The following ITGAV variants were observed in gnomAD, a reference collection of about 807,000 sequenced individuals.
ITGAV encodes the protein integrin alpha-V.
A neutral mutation model predicts 143.8 loss-of-function variants in ITGAV; 76 were observed. The ratio of observed to expected loss-of-function variants is 0.53; its 90% CI spans 0.44 to 0.64. The LOEUF (loss-of-function observed/expected upper bound fraction) is 0.64. Ranked by LOEUF, ITGAV falls within the 30% of genes least tolerant of loss-of-function variation. The pLI, the probability that ITGAV is intolerant of heterozygous loss-of-function variation, is 0.00. For synonymous variants in ITGAV, 453 were observed against 446.7 expected, an observed-to-expected ratio of 1.01 and a Z score of -0.18; for missense variants, 1,193 against 1,274.7, an observed-to-expected ratio of 0.94 and a Z score of 0.98.
In ITGAV at chr2:186,658,978, G is replaced by T. The variant is rs146197491; in HGVS notation, c.1720-60G>T. On this transcript the variant is annotated intron_variant, in intron 17 of 29. Transcript: ENST00000261023. Reference sequence around the variant, plus strand: ...AGCTGGCTTTGTAATGTGCACTTATGGATTTCTCCAGATAATTTAGGTTGA... The same window carrying T: ...AGCTGGCTTTGTAATGTGCACTTATTGATTTCTCCAGATAATTTAGGTTGA... The T allele has an allele frequency of 2.4e-4, 325 of 1,358,804 alleles. No homozygotes were observed. The African/African-American group carries it at 4.2e-3, about 17-fold the overall frequency. 84.2% of individuals were successfully genotyped at this position (1,358,804 alleles called of 1,614,324 possible).
intron 6 of ITGAV, among the ~76,000 whole-genome samples, chr2:186,635,033 TAATA>T (rs895215007): frequency 2.6e-5 from 4 of 152,016 alleles, no homozygotes; most frequent in Non-Finnish European, 2.9e-5. Flanking sequence ...ATAGGAATAA[TAATA>T]AATAGGAATG....
chr2:186,637,547 T>C (rs1053956623), intron 8 of ITGAV, among the ~76,000 whole-genome samples: 2 of 150,644 alleles, frequency 1.3e-5, no homozygotes, highest in Non-Finnish European at 3.0e-5. Flanking sequence ...TGTTATGGAA[T>C]ATAACAGAAG....
At chr2:186,608,712 C>T (rs570256079) in intron 2 of ITGAV, among the ~76,000 whole-genome samples, 14 of 152,152 alleles carry the variant, frequency 9.2e-5, no homozygotes, top group African/African-American at 3.4e-4. Flanking sequence ...TTTCCACTCA[C>T]CATTTATTCC....
intron 2 of ITGAV, among the ~76,000 whole-genome samples, chr2:186,609,085 C>T (rs1046693013): frequency 6.6e-6 from 1 of 152,118 alleles, no homozygotes; most frequent in Non-Finnish European, 1.5e-5. Context: ...CCTGTCTTAT[C>T]TTACACAACT....
chr2:186,590,359 A>C lies in ITGAV; in HGVS notation c.21A>C (p.Arg7=). The part of the protein sequence containing the change: MAFPPR[R]RLRLGPRGLP... ...CGGCGATGGCTTTTCCGCCGCGGCG[A>C]CGGCTGCGCCTCGGTCCCCGCGGCC... is the stretch of plus-strand genomic sequence containing the variant. Residue 7 remains arginine (R), a synonymous_variant, in exon 1 of 30, where the codon CGA becomes CGC. Coordinates refer to ENST00000261023, the MANE Select transcript of ITGAV (RefSeq NM_002210.5). 1.3e-6 allele frequency: 2 copies of C among 1,584,044 alleles called. No homozygotes were observed. The highest frequency in any genetic ancestry group is 1.7e-6 in the Non-Finnish European group (2 of 1,167,644).
At chr2:186,668,985 A>G in intron 25 of ITGAV, 65 bp downstream of exon 25, 1 of 1,365,938 alleles carries the variant, frequency 7.3e-7, no homozygotes, top group South Asian at 1.4e-5. Flanking sequence ...TAAACCTGTA[A>G]AAGAAATTCA....
intron 18 of ITGAV, among the ~76,000 whole-genome samples, chr2:186,662,515 C>T (rs1688776311): frequency 1.3e-5 from 2 of 152,130 alleles, no homozygotes; most frequent in African/African-American, 4.8e-5. Context: ...ACGTTAAAAG[C>T]TGATGCTTAA....
At chr2:186,623,816 A>G (rs897763683) in intron 3 of ITGAV, among the ~76,000 whole-genome samples, 1 of 152,062 alleles carries the variant, frequency 6.6e-6, no homozygotes, top group African/African-American at 2.4e-5. Flanking sequence ...ATATATCTCA[A>G]CATTTATCAG....
chr2:186,593,780 G>T (rs1574455512), intron 1 of ITGAV, among the ~76,000 whole-genome samples: 1 of 75,540 alleles, frequency 1.3e-5, no homozygotes, highest in Admixed American at 1.4e-4. Flanking sequence ...ATTTGAGTAG[G>T]TTGGTGTGAG....
chr2:186,620,515 C>T (rs1183455862), intron 2 of ITGAV, among the ~76,000 whole-genome samples: 1 of 152,150 alleles, frequency 6.6e-6, no homozygotes, highest in African/African-American at 2.4e-5. Context: ...GTAATCTCAG[C>T]ACTTTGGGAA....
At chr2:186,602,383 C>T (rs1261310461) in intron 2 of ITGAV, among the ~76,000 whole-genome samples, 1 of 152,016 alleles carries the variant, frequency 6.6e-6, no homozygotes, top group Admixed American at 6.6e-5. Context: ...TGTCTTCTGC[C>T]GTAAACTGAT....
Position 186,659,140 on chromosome 2 carries a change from C to G in ITGAV, c.1822C>G (p.Leu608Val), listed in dbSNP as rs781357387. 1.9e-6 allele frequency: 3 copies of G among 1,612,876 alleles called. No individual in the cohort carries two copies. Among genetic ancestry groups the G allele is most frequent in the Non-Finnish European group, 2.5e-6 (3 of 1,179,214 alleles). Reference protein sequence around the residue: ...AADTTGLQPILNQFTPANISR... With the variant: ...AADTTGLQPIVNQFTPANISR... ...TGATACAACAGGCTTGCAACCCATT[C>G]TTAACCAGTTCACGCCTGCTAACAT... The change falls in exon 18 of 30, where the codon CTT becomes GTT. Residue 608 changes from leucine to valine, a missense_variant. By Grantham distance (32) the Leu-to-Val change is conservative. Transcript: ENST00000261023.
At chr2:186,673,846 T>G (rs1689133076) in intron 26 of ITGAV, among the ~76,000 whole-genome samples, 1 of 151,952 alleles carries the variant, frequency 6.6e-6, no homozygotes, top group Non-Finnish European at 1.5e-5. Context: ...TTTTTGTATT[T>G]TTTTAGTAGA....
intron 6 of ITGAV, among the ~76,000 whole-genome samples, 160 bp downstream of exon 6, chr2:186,633,534 A>G (rs539116070): frequency 6.6e-6 from 1 of 150,762 alleles, no homozygotes; most frequent in African/African-American, 2.4e-5. Context: ...TTTTAAAAGA[A>G]TATATATAAT....
At chr2:186,676,983 G>C in intron 29 of ITGAV, 48 bp downstream of exon 29, 1 of 1,577,886 alleles carries the variant, frequency 6.3e-7, no homozygotes, top group Non-Finnish European at 8.7e-7. Context: ...CAGAAGAAAA[G>C]GGAAAGGGAA....
At chr2:186,641,688 T>G in intron 12 of ITGAV, 100 bp downstream of exon 12, 22 of 907,660 alleles carry the variant, frequency 2.4e-5, no homozygotes, top group South Asian at 3.1e-5. Flanking sequence ...GCAAATCTCC[T>G]TCCTGGAAAG....
At chr2:186,617,709 TAA>T (rs1387300637) in intron 2 of ITGAV, among the ~76,000 whole-genome samples, 1 of 152,216 alleles carries the variant, frequency 6.6e-6, no homozygotes, top group African/African-American at 2.4e-5. Flanking sequence ...ATTTAAGATT[TAA>T]GTTATTTAAA....
intron 13 of ITGAV, among the ~76,000 whole-genome samples, chr2:186,648,183 T>C (rs1037141632): frequency 1.3e-5 from 2 of 152,222 alleles, no homozygotes; most frequent in African/African-American, 4.8e-5. Flanking sequence ...TATCTTTCTT[T>C]ATAATTCTTT....
chr2:186,600,436 T>C, intron 1 of ITGAV: 2 of 1,536,352 alleles, frequency 1.3e-6, no homozygotes, highest in Non-Finnish European at 1.8e-6. Flanking sequence ...AGAACTTTCT[T>C]CCCCATTCTT....
Sources: allele counts gnomAD v4.1 joint callset (sites outside exome capture counted in the v4.1 genomes callset), GRCh38; gene constraint gnomAD v4.1.1; transcripts MANE v1.5; gene names NCBI Gene and HGNC (gene_info 2026-07-23, HGNC 2026-07-21).